CDH22: variants seen among roughly 807,000 people sequenced by gnomAD.
CDH22 encodes the protein cadherin 22.
A neutral mutation model predicts 58.4 loss-of-function variants in CDH22; 30 were observed. The ratio of observed to expected loss-of-function variants is 0.51; its 90% confidence interval spans 0.38 to 0.70. CDH22 has a LOEUF of 0.70. Ranked by LOEUF, CDH22 falls within the 30% of genes least tolerant of loss-of-function variation. CDH22 has a pLI of 0.00. For synonymous variants in CDH22, 513 were observed against 558.2 expected (o/e 0.92, Z 1.14); for missense variants, 1,014 against 1,233.9 (o/e 0.82, Z 2.67).
chr20:46,192,569 G>T (rs376319947), intron 8 of CDH22, among the ~76,000 whole-genome samples: 1 of 151,926 alleles, frequency 6.6e-6, no homozygotes, highest in Non-Finnish European at 1.5e-5. Flanking sequence ...GAAGGAGAGT[G>T]GGGGGTGGAG....
intron 3 of CDH22, among the ~76,000 whole-genome samples, chr20:46,230,833 G>A (rs1176603867): frequency 6.6e-6 from 1 of 152,204 alleles, no homozygotes; most frequent in African/African-American, 2.4e-5. Context: ...TGAGAACTCA[G>A]ATTTCTATGC....
At chr20:46,268,663 G>A (rs77701179) in intron 1 of CDH22, among the ~76,000 whole-genome samples, 7,831 of 152,292 alleles carry the variant, frequency 0.051, 371 homozygotes, top group East Asian at 0.25. Flanking sequence ...ACGGCCGGCC[G>A]CTTTCTCCTA....
chr20:46,307,807 G>C (rs2059030709), intron 1 of CDH22, among the ~76,000 whole-genome samples: 1 of 151,992 alleles, frequency 6.6e-6, no homozygotes, highest in Admixed American at 6.5e-5. Context: ...CCGGGGAGCC[G>C]AGCCCCGCTA....
intron 10 of CDH22, among the ~76,000 whole-genome samples, chr20:46,179,814 T>C (rs926971772): frequency 2.0e-5 from 3 of 152,116 alleles, no homozygotes; most frequent in African/African-American, 2.4e-5. Context: ...ATAATGCTGA[T>C]TAATATTTTT....
Position 46,251,426 on chromosome 20 carries a change from C to T in CDH22, c.-132G>A, listed in dbSNP as rs2086374355. 6 of 1,088,256 alleles carry T rather than the reference C, an allele frequency of 5.5e-6. No homozygotes were observed. The South Asian group carries it at 8.1e-5, about 15-fold the overall frequency. The allele number at this position is 1,088,256 out of a possible 1,614,324, so 67.4% of individuals were successfully genotyped here. A position where few individuals can be genotyped will look rare whatever the true frequency, so the allele number is the denominator to read the frequency against. ...GCGGCCGCCGGGATGTCGCCCCCGA[C>T]GGGGCACCCGGACGGGCCCGCGGCC... On this transcript the variant is annotated 5_prime_UTR_variant, in exon 2 of 12. Transcript: ENST00000537909. This position sits in a 1 kb window ranked among gnomAD's most constrained non-coding sequence, Gnocchi z 6.7.
chr20:46,266,882 ATAG>A (rs1290742546), intron 1 of CDH22, among the ~76,000 whole-genome samples: 1 of 150,994 alleles, frequency 6.6e-6, no homozygotes, highest in Admixed American at 6.6e-5. Flanking sequence ...AAGGATGATA[ATAG>A]TACTAACAGG....
At chr20:46,269,669 G>A (rs879386526) in intron 1 of CDH22, among the ~76,000 whole-genome samples, 10 of 152,216 alleles carry the variant, frequency 6.6e-5, no homozygotes, top group Non-Finnish European at 1.3e-4. Flanking sequence ...CGTTGTGGGT[G>A]GTTGAGCAGA....
At position 46,300,352 on chromosome 20, in the gene CDH22, C is replaced by T. The variant is rs2086645764; in HGVS notation, c.-400+7903G>A. 6.6e-6 allele frequency among the ~76,000 whole-genome samples: 1 copy of T among 152,164 alleles called. No individual in the cohort carries two copies. Among genetic ancestry groups the T allele is most frequent in the Admixed American group, 6.5e-5 (1 of 15,278 alleles). On this transcript the variant is annotated intron_variant, in intron 1 of 11. Transcript: ENST00000537909. This position sits in a 1 kb window ranked among gnomAD's most constrained non-coding sequence, Gnocchi z 4.4. ...TTACCTGAGTCTGTCTGGCTTGTCA[C>T]CTACCCATCATCTTGTCTACCCACT...
intron 1 of CDH22, among the ~76,000 whole-genome samples, chr20:46,277,439 A>G (rs113392808): frequency 0.024 from 3,719 of 152,352 alleles, 102 homozygotes; most frequent in African/African-American, 0.065. Flanking sequence ...TATTTTTGCA[A>G]AAAATGAATA....
chr20:46,198,378 C>G (rs1377973400), intron 8 of CDH22, among the ~76,000 whole-genome samples: 2 of 151,620 alleles, frequency 1.3e-5, no homozygotes, highest in African/African-American at 4.8e-5. Flanking sequence ...TCATCCTTGA[C>G]CCTTCTCCAT....
intron 1 of CDH22, among the ~76,000 whole-genome samples, chr20:46,305,393 C>A (rs1196896305): frequency 6.6e-6 from 1 of 152,140 alleles, no homozygotes; most frequent in East Asian, 1.9e-4. Flanking sequence ...CCCACTCTTG[C>A]GGGGGGCATG....
intron 8 of CDH22, among the ~76,000 whole-genome samples, chr20:46,197,272 G>A (rs572814355): frequency 6.7e-6 from 1 of 149,248 alleles, no homozygotes; most frequent in Admixed American, 6.7e-5. Flanking sequence ...AATAAAGTAT[G>A]TGCTGGAAAG....
At chr20:46,192,406 C>T (rs1049520176) in intron 8 of CDH22, among the ~76,000 whole-genome samples, 39 of 152,314 alleles carry the variant, frequency 2.6e-4, no homozygotes, top group Non-Finnish European at 2.2e-4. Flanking sequence ...TGCTGGGACC[C>T]TCTTCCTGCC....
chr20:46,177,427 A>T (rs1057042790), intron 11 of CDH22, among the ~76,000 whole-genome samples: 1 of 152,024 alleles, frequency 6.6e-6, no homozygotes, highest in African/African-American at 2.4e-5. Flanking sequence ...ATGACTTGAG[A>T]TTTTGCTCTC....
chr20:46,184,142 G>A lies in CDH22; in HGVS notation c.1663+2446C>T, dbSNP rs1008312252. Among the ~76,000 whole-genome samples the A allele has an allele frequency of 4.0e-5, 6 of 150,914 alleles. No individual in the cohort carries two copies. In the South Asian group the frequency reaches 6.3e-4, roughly 16 times the overall value. On this transcript the variant is annotated intron_variant, in intron 10 of 11. Transcript: ENST00000537909. Reference sequence around the variant, plus strand: ...AGATGGAGTTTCGCTCTTGTTGCCCGGGCTGGAGGGCAATGGTGAGATCTC... The same window carrying A: ...AGATGGAGTTTCGCTCTTGTTGCCCAGGCTGGAGGGCAATGGTGAGATCTC...
At chr20:46,180,402 G>T (rs1014589465) in intron 10 of CDH22, among the ~76,000 whole-genome samples, 3 of 152,180 alleles carry the variant, frequency 2.0e-5, no homozygotes, top group Non-Finnish European at 4.4e-5. Flanking sequence ...GTTCAAACTG[G>T]CTACATTCAG....
At chr20:46,238,675 A>C (rs1012184779) in intron 3 of CDH22, among the ~76,000 whole-genome samples, 1 of 151,894 alleles carries the variant, frequency 6.6e-6, no homozygotes, top group Non-Finnish European at 1.5e-5. Flanking sequence ...TTTCTTTCAC[A>C]CTCCATATCC....
chr20:46,199,651 C>A (rs1861678434), intron 7 of CDH22, 92 bp from the exon 8 acceptor site: 4 of 1,458,138 alleles, frequency 2.7e-6, no homozygotes, highest in Non-Finnish European at 3.7e-6. Flanking sequence ...AGAGAGGGAC[C>A]GCCTGCCTTG....
chr20:46,227,585 G>A lies in CDH22; in HGVS notation c.593C>T (p.Pro198Leu). ...MQVMASDADD[P>L]TYGSSARLVY... ...CAGCCGAGCGCTGCTGCCGTACGTG[G>A]GGTCATCCGCATCCGAGGCCATCAC... The change falls in exon 4 of 12, where the codon CCC (proline) becomes CTC (leucine). Residue 198 changes from proline to leucine, a missense_variant. Pro to Leu is a moderately conservative substitution (Grantham distance 98). Transcript: ENST00000537909. The A allele has an allele frequency of 6.2e-7, 1 of 1,613,032 alleles. No homozygotes were observed. The highest frequency in any genetic ancestry group is 8.5e-7 in the Non-Finnish European group (1 of 1,179,774).
Sources: gnomAD v4.1 joint callset for allele counts (sites outside exome capture counted in the v4.1 genomes callset) on GRCh38, gnomAD v4.1.1 for gene constraint, Gnocchi (gnomAD v3.1) non-coding constraint, MANE v1.5 for transcripts, NCBI Gene and HGNC (gene_info 2026-07-23, HGNC 2026-07-21) for gene names.